The following FAM98A variants were observed in gnomAD, a reference collection of about 807,000 sequenced individuals.
FAM98A encodes the protein protein FAM98A.
Under a neutral mutation model 62.9 loss-of-function variants are expected in FAM98A, and 25 were observed. The ratio of observed to expected loss-of-function variants is 0.40; its 90% CI spans 0.29 to 0.56. FAM98A has a LOEUF of 0.56. FAM98A is among the 20% of genes least tolerant of loss of function. FAM98A has a pLI of 0.51. For synonymous variants in FAM98A, 252 were observed against 228.6 expected (o/e 1.10, Z -0.92); for missense variants, 653 against 640.7 (o/e 1.02, Z -0.21).
chr2:33,588,196 C>A lies in FAM98A; in HGVS notation c.522+139G>T, dbSNP rs540810658. 1.4e-3 allele frequency: 960 copies of A among 699,836 alleles called. 21 individuals carry two copies. In the South Asian group the frequency reaches 0.017, roughly 12 times the overall value. 43.4% of individuals were successfully genotyped at this position (699,836 alleles called of 1,614,324 possible). Reference sequence around the variant, plus strand: ...TTTAAGGCATCTAGGATTTAAAACCCAAAACTCATTTCGTAACAATTACTT... The same window carrying A: ...TTTAAGGCATCTAGGATTTAAAACCAAAAACTCATTTCGTAACAATTACTT... On this transcript the variant is annotated intron_variant, in intron 4 of 7. Coordinates refer to ENST00000238823, the MANE Select transcript of FAM98A (RefSeq NM_015475.5).
intron 2 of FAM98A, 55 bp from the exon 3 acceptor site, chr2:33,592,269 A>C (rs1327911044): frequency 7.4e-7 from 1 of 1,359,788 alleles, no homozygotes; most frequent in African/African-American, 1.5e-5. Context: ...TTCCATTAGC[A>C]TAACAATTAT....
intron 4 of FAM98A, chr2:33,588,127 C>T: frequency 1.7e-6 from 1 of 571,568 alleles, no homozygotes; most frequent in Non-Finnish European, 3.2e-6. Context: ...GAAAAAGAAA[C>T]ATGCTAACAT....
chr2:33,585,046 AGAT>A lies in FAM98A; in HGVS notation c.1284_1286del (p.Ser431del), dbSNP rs759958256. ...GGTATCCACTTCCTGTATATGAAGAAGATGTTTGGAAGCCACCATAACCTCCGC... is the reference window on the plus strand; with the variant it reads ...GGTATCCACTTCCTGTATATGAAGAAGTTTGGAAGCCACCATAACCTCCGC... On this transcript the variant is annotated inframe_deletion, in exon 8 of 8. Coordinates refer to ENST00000238823, the MANE Select transcript of FAM98A (RefSeq NM_015475.5). 1.9e-6 allele frequency: 3 copies of A among 1,614,042 alleles called. No homozygotes were observed. The highest frequency in any genetic ancestry group is 2.5e-6 in the Non-Finnish European group (3 of 1,180,004).
At position 33,585,567 on chromosome 2, in the gene FAM98A, C is replaced by A. The variant is rs139409342; in HGVS notation, c.851G>T (p.Gly284Val). Residue 284 changes from glycine to valine, a missense_variant, in exon 7 of 8, where the codon GGC becomes GTC. Gly to Val is a moderately radical substitution (Grantham distance 109, BLOSUM62 -3). Coordinates refer to ENST00000238823, the MANE Select transcript of FAM98A (RefSeq NM_015475.5). ...ACAGGCAGTCTTTTCTCTTATAGAG[C>A]CGCTGCTTGTCCTTAAAATCTTTGA... ...DLSKILRTSSGSIREKTACAI... is the reference protein window; with the variant it reads ...DLSKILRTSSVSIREKTACAI... The A allele has an allele frequency of 3.7e-6, 6 of 1,614,022 alleles. No homozygotes were observed. Among genetic ancestry groups the A allele is most frequent in the Non-Finnish European group, 5.1e-6 (6 of 1,180,044 alleles).
intron 1 of FAM98A, among the ~76,000 whole-genome samples, chr2:33,595,956 TAATTG>T (rs1313371584): frequency 2.0e-5 from 3 of 152,214 alleles, no homozygotes; most frequent in East Asian, 1.9e-4. Flanking sequence ...TTTCTTACTG[TAATTG>T]AATTGAGTAT....
At chr2:33,588,063 T>C in intron 4 of FAM98A, 1 of 398,978 alleles carries the variant, frequency 2.5e-6, no homozygotes, top group Non-Finnish European at 4.9e-6. Context: ...TTAATCCTTT[T>C]TACATTATAT....
At position 33,585,686 on chromosome 2, in the gene FAM98A, T is replaced by G. The variant is rs753887741; in HGVS notation, c.732A>C (p.Glu244Asp). Residue 244 changes from glutamate (E) to aspartate (D), a missense_variant, in exon 7 of 8, where the codon GAA becomes GAC. By Grantham distance (45) the Glu-to-Asp change is conservative. Transcript: ENST00000238823. ...TCGGCTGGTAAACCTTGGCTAATTT[T>G]TCTGTCTGGCTCTGTTGAAAGAAAA... ...GWSDRAKSQT[E>D]KLAKVYQPKR... The G allele has an allele frequency of 6.2e-7, 1 of 1,613,452 alleles. No homozygotes were observed. Among genetic ancestry groups the G allele is most frequent in the Non-Finnish European group, 8.5e-7 (1 of 1,179,752 alleles).
At chr2:33,595,835 T>C (rs1361679606) in intron 1 of FAM98A, among the ~76,000 whole-genome samples, 198 bp from the exon 2 acceptor site, 1 of 152,236 alleles carries the variant, frequency 6.6e-6, no homozygotes, top group East Asian at 1.9e-4. Context: ...AAATGGTAGC[T>C]GCATTTCAAC....
intron 1 of FAM98A, among the ~76,000 whole-genome samples, 186 bp from the exon 2 acceptor site, chr2:33,595,823 C>A (rs1256444551): frequency 6.6e-6 from 1 of 152,080 alleles, no homozygotes; most frequent in African/African-American, 2.4e-5. Context: ...CAAAAAGCAG[C>A]TAAATGGTAG....
At chr2:33,598,912 G>A (rs1392764704) in intron 1 of FAM98A, among the ~76,000 whole-genome samples, 3 of 152,154 alleles carry the variant, frequency 2.0e-5, no homozygotes, top group Non-Finnish European at 4.4e-5. Context: ...ACAATGACAC[G>A]CATGACTGAC....
chr2:33,586,983 T>C (rs980285243), intron 5 of FAM98A: 6 of 523,470 alleles, frequency 1.1e-5, no homozygotes, highest in African/African-American at 3.8e-5. Context: ...ACGAGAAACA[T>C]GCACCATACT....
At chr2:33,592,240 T>A (rs1166109441) in intron 2 of FAM98A, 26 bp from the exon 3 acceptor site, 1 of 1,545,176 alleles carries the variant, frequency 6.5e-7, no homozygotes, top group African/African-American at 1.4e-5. Flanking sequence ...ATAATCTTAT[T>A]TAATGATAGT....
At chr2:33,595,447 G>A (rs773645855) in intron 2 of FAM98A, 42 bp downstream of exon 2, 6 of 1,535,234 alleles carry the variant, frequency 3.9e-6, no homozygotes, top group Middle Eastern at 1.7e-4. Flanking sequence ...ATACCTCAAT[G>A]TTATTTTTAT....
At chr2:33,595,409 C>G (rs1283602814) in intron 2 of FAM98A, 80 bp downstream of exon 2, 3 of 1,229,210 alleles carry the variant, frequency 2.4e-6, no homozygotes, top group South Asian at 3.3e-5. Context: ...CAACTTTCAG[C>G]TTTAGTATTG....
Position 33,588,518 on chromosome 2 carries a change from T to C in FAM98A, c.339A>G (p.Thr113=). 1.9e-6 allele frequency: 3 copies of C among 1,612,002 alleles called. No homozygotes were observed. The highest frequency in any genetic ancestry group is 2.5e-6 in the Non-Finnish European group (3 of 1,179,226). ...LIQKNCLLLL[T]YLISELEAAR... The stretch of plus-strand genomic sequence containing the variant: ...CAGCTTCTAGTTCTGAGATGAGGTA[T>C]GCTGAAGTAAACAAAATAAGATTTC... The change falls in exon 4 of 8, where the codon ACA becomes ACG. Residue 113 remains threonine (T), a splice_region_variant and synonymous_variant. Transcript: ENST00000238823.
rs1189237087 is a variant in FAM98A, at chr2:33,588,330, C to T, written c.522+5G>A. 1 of 1,607,776 alleles carries T rather than the reference C, an allele frequency of 6.2e-7. No homozygotes were observed. The highest frequency in any genetic ancestry group is 8.5e-7 in the Non-Finnish European group (1 of 1,176,226). The stretch of plus-strand genomic sequence containing the variant: ...TACACTACAATTTGGTACTAAAGGT[C>T]TTACTTTTTTTTCAATCCCGCTGAA... On this transcript the variant is annotated splice_donor_5th_base_variant and intron_variant, in intron 4 of 7. Coordinates refer to ENST00000238823, the MANE Select transcript of FAM98A (RefSeq NM_015475.5).
At chr2:33,596,742 A>C (rs1677821358) in intron 1 of FAM98A, among the ~76,000 whole-genome samples, 2 of 152,038 alleles carry the variant, frequency 1.3e-5, no homozygotes, top group African/African-American at 4.8e-5. Context: ...ATACAAAAAA[A>C]TTAACCAGGC....
In FAM98A at chr2:33,587,225, A is replaced by G. The variant is rs1480372580; in HGVS notation, c.603+15T>C. 17 of 1,508,844 alleles carry G rather than the reference A, an allele frequency of 1.1e-5. No homozygotes were observed. The highest frequency in any genetic ancestry group is 1.6e-5 in the Non-Finnish European group (17 of 1,085,950). 93.5% of individuals were successfully genotyped at this position (1,508,844 alleles called of 1,614,324 possible). A position where few individuals can be genotyped will look rare whatever the true frequency, so the allele number is the denominator to read the frequency against. ...TAGTTCTTTACAAAGTTTACTCAAG[A>G]TGATTACTACTCACCCAGTGGGCTG... On this transcript the variant is annotated intron_variant, in intron 5 of 7. Coordinates refer to ENST00000238823, the MANE Select transcript of FAM98A (RefSeq NM_015475.5).
chr2:33,598,732 G>C (rs1300463579), intron 1 of FAM98A, among the ~76,000 whole-genome samples: 1 of 152,120 alleles, frequency 6.6e-6, no homozygotes, highest in African/African-American at 2.4e-5. Flanking sequence ...TGAGAGAAGT[G>C]GGGTGGGGTA....
Sources: allele counts gnomAD v4.1 joint callset (sites outside exome capture counted in the v4.1 genomes callset), GRCh38; gene constraint gnomAD v4.1.1; transcripts MANE v1.5; gene names NCBI Gene and HGNC (gene_info 2026-07-23, HGNC 2026-07-21).